Variants in ZNF236 observed in about 807,000 individuals in gnomAD.
ZNF236 encodes zinc finger protein 236, also known as regulated by glucose.
ZNF236 carries 50 observed loss-of-function variants against 191.2 expected under a neutral mutation model. The observed-to-expected ratio is 0.26, with a 90% CI of 0.21 to 0.33. ZNF236 has a LOEUF of 0.33. Among genes scored for constraint, ZNF236 ranks in the 10% least tolerant of loss-of-function variants. The probability of loss-of-function intolerance (pLI) is 1.00; values close to 1 mark genes in which losing one functional copy is unlikely to be tolerated. For synonymous variants in ZNF236, 907 were observed against 928.8 expected (o/e 0.98, Z 0.43); for missense variants, 1,754 against 2,374.5 (o/e 0.74, Z 5.43).
At chr18:76,861,011 C>G (rs1191564030) in intron 3 of ZNF236, among the ~76,000 whole-genome samples, 1 of 151,964 alleles carries the variant, frequency 6.6e-6, no homozygotes. Flanking sequence ...TCTGTGCTGC[C>G]GGAGGAAGGG....
intron 9 of ZNF236, among the ~76,000 whole-genome samples, chr18:76,882,546 T>A (rs1161105833): frequency 6.6e-6 from 1 of 152,256 alleles, no homozygotes; most frequent in South Asian, 2.1e-4. Context: ...GGCAAAACTG[T>A]TCTGTGAAAA....
chr18:76,938,735 G>T (rs371026672), intron 26 of ZNF236, among the ~76,000 whole-genome samples: 1 of 152,108 alleles, frequency 6.6e-6, no homozygotes, highest in African/African-American at 2.4e-5. Context: ...CGCACCGCAC[G>T]CCAGGGTTCC....
Position 76,919,115 on chromosome 18 carries a change from T to C in ZNF236, c.3275-661T>C, listed in dbSNP as rs1967464207. Among the ~76,000 whole-genome samples, 1 of 152,218 alleles carries C rather than the reference T, an allele frequency of 6.6e-6. No homozygotes were observed. ...GATGGTAATTCATTTTTTGCCCTTATTAATAAATGAATATCTATATTTATG... is the reference window on the plus strand; with the variant it reads ...GATGGTAATTCATTTTTTGCCCTTACTAATAAATGAATATCTATATTTATG... On this transcript the variant is annotated intron_variant, in intron 19 of 30. Coordinates refer to ENST00000320610, the MANE Select transcript of ZNF236 (RefSeq NM_001306089.2). This position sits in a 1 kb window ranked among gnomAD's most constrained non-coding sequence, Gnocchi z 5.3.
chr18:76,918,023 A>G (rs960235537), intron 19 of ZNF236, among the ~76,000 whole-genome samples: 4 of 152,058 alleles, frequency 2.6e-5, no homozygotes, highest in Non-Finnish European at 5.9e-5. Flanking sequence ...ATGTGCTAAG[A>G]AAAATTATCC....
intron 3 of ZNF236, among the ~76,000 whole-genome samples, chr18:76,866,406 A>G (rs755976074): frequency 6.6e-6 from 1 of 151,930 alleles, no homozygotes; most frequent in Non-Finnish European, 1.5e-5. Context: ...AGGCCAGGAC[A>G]GGAGACAGGA....
At chr18:76,942,833 G>A (rs1326577962) in intron 26 of ZNF236, among the ~76,000 whole-genome samples, 1 of 150,026 alleles carries the variant, frequency 6.7e-6, no homozygotes, top group Non-Finnish European at 1.5e-5. Flanking sequence ...TAAATAATGG[G>A]CAAATTTGGC....
chr18:76,856,961 T>A (rs1163410601), intron 3 of ZNF236, among the ~76,000 whole-genome samples: 1 of 152,210 alleles, frequency 6.6e-6, no homozygotes, highest in Non-Finnish European at 1.5e-5. Context: ...CAGATCCTCA[T>A]ACATGCAGAG....
At chr18:76,936,154 G>C in intron 25 of ZNF236, 1 of 340,378 alleles carries the variant, frequency 2.9e-6, no homozygotes, top group Non-Finnish European at 5.9e-6. Flanking sequence ...ACAGGCGCGT[G>C]TTTCTTTTGT....
intron 2 of ZNF236, among the ~76,000 whole-genome samples, chr18:76,851,026 TC>T (rs1975847942): frequency 1.4e-5 from 2 of 144,826 alleles, no homozygotes; most frequent in Non-Finnish European, 3.0e-5. Context: ...GCTTTTTCTT[TC>T]TTTTTTTTTT....
Position 76,913,781 on chromosome 18 carries a change from A to G in ZNF236, c.2944A>G (p.Ser982Gly). The G allele has an allele frequency of 2.5e-6, 4 of 1,614,246 alleles. No homozygotes were observed. The highest frequency in any genetic ancestry group is 3.4e-6 in the Non-Finnish European group (4 of 1,180,034). ...TTGCAACAAAGGCTTTAAGAAGTCC[A>G]GCCACCTGAAGCAGCATGTGCGGTC... The part of the protein sequence containing the change: ...DYCNKGFKKS[S>G]HLKQHVRSHT... The change falls in exon 18 of 31, where the codon AGC (serine) becomes GGC (glycine). Residue 982 changes from serine (S) to glycine (G), a missense_variant. Ser to Gly is a moderately conservative substitution (Grantham distance 56). Coordinates refer to ENST00000320610, the MANE Select transcript of ZNF236 (RefSeq NM_001306089.2).
chr18:76,936,248 C>A, intron 25 of ZNF236: 1 of 447,704 alleles, frequency 2.2e-6, no homozygotes, highest in African/African-American at 2.0e-5. Context: ...CAGTGGCTGG[C>A]ACAAGTGGAT....
At chr18:76,907,187 TA>T (rs1977766637) in intron 13 of ZNF236, among the ~76,000 whole-genome samples, 2 of 152,358 alleles carry the variant, frequency 1.3e-5, no homozygotes, top group African/African-American at 4.8e-5. Flanking sequence ...ATGAATTGTC[TA>T]TTTTGGATAT....
rs778294289 is a variant in ZNF236, at chr18:76,875,640, G to C, written c.816G>C (p.Ser272=). ...TCTCTCAGAAAGGGAATCTTCAGTC[G>C]CACGTGCAGCGAGTCCACTCAGAGG... ...AAFSQKGNLQ[S]HVQRVHSEVK... is the part of the protein sequence containing the mutation. Residue 272 remains serine (S), a synonymous_variant, in exon 6 of 31, where the codon TCG becomes TCC. Coordinates refer to ENST00000320610, the MANE Select transcript of ZNF236 (RefSeq NM_001306089.2). The surrounding 1 kb of genome is among the most constrained non-coding windows in gnomAD (Gnocchi z 4.3). 32 of 1,593,578 alleles carry C rather than the reference G, an allele frequency of 2.0e-5. No individual in the cohort carries two copies. In the African/African-American group the frequency reaches 2.0e-4, roughly 10 times the overall value.
rs1437249382 is a variant in ZNF236, at chr18:76,875,426, C to G, written c.668-66C>G. On this transcript the variant is annotated intron_variant, in intron 5 of 30. Transcript: ENST00000320610. This position sits in a 1 kb window ranked among gnomAD's most constrained non-coding sequence, Gnocchi z 4.3. ...AGGTTTGGGTAACTTCAGTGTTGTT[C>G]TTTTCAATCCGTAAGATGCCCATAC... 2.1e-6 allele frequency: 3 copies of G among 1,397,482 alleles called. No individual in the cohort carries two copies. Among genetic ancestry groups the G allele is most frequent in the East Asian group, 2.6e-5 (1 of 38,414 alleles). The allele number at this position is 1,397,482 out of a possible 1,614,324, so 86.6% of individuals were successfully genotyped here.
Position 76,935,634 on chromosome 18 carries a change from C to T in ZNF236, c.4595-1522C>T, listed in dbSNP as rs555758486. ...TTCACAGGCACATGCATCTCTTCCCCGTCTTCCCTCTGTGCAAGCTCATTG... is the reference window on the plus strand; with the variant it reads ...TTCACAGGCACATGCATCTCTTCCCTGTCTTCCCTCTGTGCAAGCTCATTG... On this transcript the variant is annotated intron_variant, in intron 25 of 30. Transcript: ENST00000320610. 3.3e-5 allele frequency among the ~76,000 whole-genome samples: 5 copies of T among 152,216 alleles called. No individual in the cohort carries two copies. The South Asian group carries it at 6.2e-4, about 19-fold the overall frequency.
rs554696415 is a variant in ZNF236, at chr18:76,965,562, T to G, written c.5420-2653T>G. On this transcript the variant is annotated intron_variant, in intron 30 of 30. Coordinates refer to ENST00000320610, the MANE Select transcript of ZNF236 (RefSeq NM_001306089.2). ...GGGCCGAAGGCTGTTGTTCAGATTC[T>G]TTGGTCCTACGGGGTTCTCTTGATA... is the stretch of plus-strand genomic sequence containing the variant. 3.8e-4 allele frequency among the ~76,000 whole-genome samples: 58 copies of G among 152,362 alleles called. 1 individual carries two copies. Among genetic ancestry groups the G allele is most frequent in the African/African-American group, 1.3e-3 (55 of 41,584 alleles).
intron 26 of ZNF236, among the ~76,000 whole-genome samples, chr18:76,947,064 CT>C (rs1156645909): frequency 6.6e-6 from 1 of 152,068 alleles, no homozygotes; most frequent in Non-Finnish European, 1.5e-5. Context: ...ACCGCTGCCC[CT>C]GGCAACTGCC....
At chr18:76,824,283 G>T (rs1974954746) in intron 1 of ZNF236, 1 of 780,218 alleles carries the variant, frequency 1.3e-6, no homozygotes, top group Non-Finnish European at 2.4e-6. Flanking sequence ...GATTGCACTT[G>T]GTAGAGTTAA....
chr18:76,938,352 T>A (rs1196977516), intron 26 of ZNF236, among the ~76,000 whole-genome samples: 1 of 152,162 alleles, frequency 6.6e-6, no homozygotes, highest in African/African-American at 2.4e-5. Context: ...ATTGCACCAC[T>A]GCACTCCAGC....
Sources: gnomAD v4.1 joint callset for allele counts (sites outside exome capture counted in the v4.1 genomes callset) on GRCh38, gnomAD v4.1.1 for gene constraint, Gnocchi (gnomAD v3.1) non-coding constraint, MANE v1.5 for transcripts, NCBI Gene and HGNC (gene_info 2026-07-23, HGNC 2026-07-21) for gene names.